The following BACE2 variants were observed in gnomAD, a reference collection of about 807,000 sequenced individuals.
BACE2 encodes the protein 56 kDa aspartic-like protease.
BACE2 carries 17 observed loss-of-function variants against 46.2 expected under a neutral mutation model. The ratio of observed to expected loss-of-function variants is 0.37; its 90% CI spans 0.25 to 0.55. The LOEUF (loss-of-function observed/expected upper bound fraction) is 0.55. Ranked by LOEUF, BACE2 falls within the 20% of genes least tolerant of loss-of-function variation. The probability of loss-of-function intolerance (pLI) is 0.82; values close to 1 mark genes in which losing one functional copy is unlikely to be tolerated. For synonymous variants in BACE2, 277 were observed against 295.9 expected (o/e 0.94, Z 0.66); for missense variants, 595 against 698.1 (o/e 0.85, Z 1.66).
intron 1 of BACE2, chr21:41,183,873 G>C: frequency 6.0e-6 from 1 of 167,166 alleles, no homozygotes. Context: ...AGTAGGCGCA[G>C]TGATTCTGGC....
intron 8 of BACE2, among the ~76,000 whole-genome samples, chr21:41,272,513 T>G (rs1299667112): frequency 6.6e-6 from 1 of 152,112 alleles, no homozygotes; most frequent in Non-Finnish European, 1.5e-5. Flanking sequence ...TGTGCTTCAT[T>G]TCTATTGTTT....
rs1424299971 is a variant in BACE2 at position 41,276,227 on chromosome 21, T to C, written c.*603T>C. On this transcript the variant is annotated 3_prime_UTR_variant, in exon 9 of 9. Coordinates refer to ENST00000330333, the MANE Select transcript of BACE2 (RefSeq NM_012105.5). ...GCTCTGAATGGGAGCCAGAATTCAC[T>C]AGGAGGTCATCAACCGATGGTCCTC... 1 of 153,000 alleles carries C rather than the reference T, an allele frequency of 6.5e-6. No individual in the cohort carries two copies. Among genetic ancestry groups the C allele is most frequent in the East Asian group, 1.9e-4 (1 of 5,198 alleles). The allele number at this position is 153,000 out of a possible 1,614,324, so 9.5% of individuals were successfully genotyped here. A position where few individuals can be genotyped will look rare whatever the true frequency, so the allele number is the denominator to read the frequency against.
Position 41,250,765 on chromosome 21 carries a change from C to A in BACE2, c.998C>A (p.Ser333Tyr), listed in dbSNP as rs1408641514. The A allele has an allele frequency of 6.2e-7, 1 of 1,614,068 alleles. No homozygotes were observed. Among genetic ancestry groups the A allele is most frequent in the East Asian group, 2.2e-5 (1 of 44,868 alleles). ...VARASLIPEFSDGFWTGSQLA... is the reference protein window; with the variant it reads ...VARASLIPEFYDGFWTGSQLA... ...TGTTTTGTCTAGATTCCAGAATTCT[C>A]TGATGGTTTCTGGACTGGGTCCCAG... Residue 333 changes from serine to tyrosine, a missense_variant, in exon 7 of 9, where the codon TCT (serine) becomes TAT (tyrosine). By Grantham distance (144) the Ser-to-Tyr change is moderately radical (BLOSUM62 -2). Coordinates refer to ENST00000330333, the MANE Select transcript of BACE2 (RefSeq NM_012105.5).
intron 1 of BACE2, among the ~76,000 whole-genome samples, chr21:41,220,846 A>G (rs182480350): frequency 1.3e-3 from 201 of 152,084 alleles, no homozygotes; most frequent in Non-Finnish European, 2.3e-3. Flanking sequence ...AGAATAGAGC[A>G]TTCATTTACT....
intron 2 of BACE2, among the ~76,000 whole-genome samples, chr21:41,227,137 C>T (rs1006938095): frequency 7.2e-5 from 11 of 152,208 alleles, no homozygotes; most frequent in African/African-American, 2.7e-4. Context: ...ATGCTGTGCA[C>T]GTTTTGATGT....
chr21:41,171,146 G>A (rs192378489), intron 1 of BACE2, among the ~76,000 whole-genome samples: 2 of 152,318 alleles, frequency 1.3e-5, no homozygotes, highest in Non-Finnish European at 2.9e-5. Context: ...AACCCTGAAC[G>A]TACACCCCAA....
In BACE2 at chr21:41,275,435, C is replaced by T. The variant is rs369223177; in HGVS notation, c.1368C>T (p.Asn456=). 1.9e-6 allele frequency: 3 copies of T among 1,614,082 alleles called. No homozygotes were observed. In the African/African-American group the frequency reaches 4.0e-5, roughly 22 times the overall value. Residue 456 remains asparagine, a synonymous_variant, in exon 9 of 9, where the codon AAC becomes AAT. Transcript: ENST00000330333. ...TCTCAACAGAGGATGTAGCCAGCAA[C>T]TGTGTCCCCGCTCAGTCTTTGAGCG... is the stretch of plus-strand genomic sequence containing the variant. ...GPFSTEDVAS[N]CVPAQSLSEP...
chr21:41,223,604 C>T lies in BACE2; in HGVS notation c.313-2662C>T, dbSNP rs190568523. 1.7e-3 allele frequency among the ~76,000 whole-genome samples: 260 copies of T among 152,302 alleles called. 2 individuals are homozygous for T. The highest frequency in any genetic ancestry group is 0.017 in the South Asian group (82 of 4,822). On this transcript the variant is annotated intron_variant, in intron 1 of 8. Coordinates refer to ENST00000330333, the MANE Select transcript of BACE2 (RefSeq NM_012105.5). ...GTGCATTTTCGTCTCCCTGGAAGGA[C>T]GCCTGTGATACTGGATTAGAGCTCA... is the stretch of plus-strand genomic sequence containing the variant.
intron 1 of BACE2, among the ~76,000 whole-genome samples, chr21:41,174,334 G>T (rs1984727621): frequency 6.6e-6 from 1 of 151,512 alleles, no homozygotes; most frequent in Admixed American, 6.6e-5. Context: ...GTAGAGACGG[G>T]GTTTCACCAT....
chr21:41,275,776 C>A lies in BACE2; in HGVS notation c.*152C>A. On this transcript the variant is annotated 3_prime_UTR_variant, in exon 9 of 9. Coordinates refer to ENST00000330333, the MANE Select transcript of BACE2 (RefSeq NM_012105.5). Reference sequence around the variant, plus strand: ...CCCAGATGCCTTCTAGATTCACTGTCTTTTGATTCTTGATTTTCAAGCTTT... The same window carrying A: ...CCCAGATGCCTTCTAGATTCACTGTATTTTGATTCTTGATTTTCAAGCTTT... The A allele has an allele frequency of 1.2e-6, 1 of 855,978 alleles. No individual in the cohort carries two copies. The highest frequency in any genetic ancestry group is 1.7e-6 in the Non-Finnish European group (1 of 574,436). 53.0% of individuals were successfully genotyped at this position (855,978 alleles called of 1,614,324 possible).
At chr21:41,186,230 TC>T (rs959248331) in intron 1 of BACE2, 12 of 152,236 alleles carry the variant, frequency 7.9e-5, no homozygotes, top group African/African-American at 2.9e-4. Context: ...CTCTCTAGGT[TC>T]CCCAGCTTGG....
chr21:41,266,007 T>TA (rs397971465), intron 8 of BACE2, among the ~76,000 whole-genome samples: 3 of 152,226 alleles, frequency 2.0e-5, no homozygotes, highest in Non-Finnish European at 4.4e-5. Context: ...TACTTTTTTT[T>TA]ACTTTAAATC....
In BACE2 at chr21:41,275,516, C is replaced by G. The variant is rs1162016281; in HGVS notation, c.1449C>G (p.Leu483=). The part of the protein sequence containing the change: ...YALMSVCGAI[L]LVLIVLLLLP... Reference sequence around the variant, plus strand: ...TCATGAGCGTCTGTGGAGCCATCCTCCTTGTCTTAATCGTCCTGCTGCTGC... The same window carrying G: ...TCATGAGCGTCTGTGGAGCCATCCTGCTTGTCTTAATCGTCCTGCTGCTGC... The change falls in exon 9 of 9, where the codon CTC becomes CTG. Residue 483 remains leucine, a synonymous_variant. Coordinates refer to ENST00000330333, the MANE Select transcript of BACE2 (RefSeq NM_012105.5). 6.2e-7 allele frequency: 1 copy of G among 1,614,152 alleles called. No individual in the cohort carries two copies. The highest frequency in any genetic ancestry group is 8.5e-7 in the Non-Finnish European group (1 of 1,180,032).
chr21:41,240,353 C>T (rs938100552), intron 3 of BACE2, among the ~76,000 whole-genome samples: 20 of 152,222 alleles, frequency 1.3e-4, no homozygotes, highest in African/African-American at 4.6e-4. Flanking sequence ...GTTGTGGGCA[C>T]CTGGATGCTT....
At chr21:41,262,625 C>T (rs1318355739) in intron 8 of BACE2, among the ~76,000 whole-genome samples, 1 of 152,068 alleles carries the variant, frequency 6.6e-6, no homozygotes, top group Non-Finnish European at 1.5e-5. Context: ...AAATCTTTAC[C>T]ATATCAAGTT....
intron 1 of BACE2, among the ~76,000 whole-genome samples, chr21:41,212,267 T>G (rs935014542): frequency 3.9e-5 from 6 of 152,212 alleles, no homozygotes; most frequent in Non-Finnish European, 7.3e-5. Flanking sequence ...GCAAAAGGGA[T>G]GAGCGAGCGC....
In BACE2 at chr21:41,193,059, C is replaced by T. The variant is rs1054510817; in HGVS notation, c.312+24484C>T. ...AATAAGTCCAGTGTGTTTGCTACTT[C>T]TTGCTCACTGGATCCAATCAGCATA... On this transcript the variant is annotated intron_variant, in intron 1 of 8. Transcript: ENST00000330333. This position sits in a 1 kb window ranked among gnomAD's most constrained non-coding sequence, Gnocchi z 4.2. Among the ~76,000 whole-genome samples, 8 of 152,240 alleles carry T rather than the reference C, an allele frequency of 5.3e-5. No individual in the cohort carries two copies. The highest frequency in any genetic ancestry group is 1.0e-4 in the Non-Finnish European group (7 of 68,044).
At chr21:41,171,103 G>C (rs1026613318) in intron 1 of BACE2, among the ~76,000 whole-genome samples, 6 of 152,194 alleles carry the variant, frequency 3.9e-5, no homozygotes, top group Non-Finnish European at 8.8e-5. Context: ...GATCTCTTTG[G>C]TTTTGGCCTC....
chr21:41,233,529 TGCTAAATA>T (rs1987025837), intron 2 of BACE2, among the ~76,000 whole-genome samples: 1 of 152,206 alleles, frequency 6.6e-6, no homozygotes, highest in Non-Finnish European at 1.5e-5. Flanking sequence ...AGAGAAGACA[TGCTAAATA>T]GATATGCAGG....
Sources: gnomAD v4.1 joint callset for allele counts (sites outside exome capture counted in the v4.1 genomes callset) on GRCh38, gnomAD v4.1.1 for gene constraint, Gnocchi (gnomAD v3.1) non-coding constraint, MANE v1.5 for transcripts, NCBI Gene and HGNC (gene_info 2026-07-23, HGNC 2026-07-21) for gene names.